Variants in BRWD1 observed in about 807,000 individuals in gnomAD.
BRWD1 encodes bromodomain and WD repeat domain containing 1.
A neutral mutation model predicts 251.2 loss-of-function variants in BRWD1; 82 were observed. The ratio of observed to expected loss-of-function variants is 0.33; its 90% CI spans 0.27 to 0.39. The LOEUF (loss-of-function observed/expected upper bound fraction) is 0.39, where lower values mean the gene tolerates loss of function less well. Among genes scored for constraint, BRWD1 ranks in the 10% least tolerant of loss-of-function variants. BRWD1 has a pLI of 1.00. For missense variants in BRWD1, 2,233 were observed against 2,711.6 expected (o/e 0.82, Z 3.92); for synonymous variants, 918 against 902.8 (o/e 1.02, Z -0.30).
chr21:39,285,531 T>C (rs772154193), intron 8 of BRWD1, among the ~76,000 whole-genome samples: 3 of 152,198 alleles, frequency 2.0e-5, no homozygotes, highest in Non-Finnish European at 4.4e-5. Flanking sequence ...ATAATTACCC[T>C]CATTTGATCC....
chr21:39,279,399 G>A lies in BRWD1; in HGVS notation c.933-586C>T, dbSNP rs573158514. ...CACGCCTGTGATCCCAGTACTTTGG[G>A]AGGCCAAGGCGGGTGGATCACCTGA... On this transcript the variant is annotated intron_variant, in intron 9 of 40. Transcript: ENST00000342449. 4.6e-5 allele frequency among the ~76,000 whole-genome samples: 7 copies of A among 152,180 alleles called. No homozygotes were observed. The East Asian group carries it at 7.7e-4, about 17-fold the overall frequency.
chr21:39,194,277 C>T lies in BRWD1; in HGVS notation c.*1982G>A. ...ATTTATTTATGGATTTTTTTGGTAC[C>T]TTTTTGCAAATGATGGTAAACATGG... On this transcript the variant is annotated 3_prime_UTR_variant, in exon 41 of 41. Coordinates refer to ENST00000342449, the MANE Select transcript of BRWD1 (RefSeq NM_033656.4). 1.0e-6 allele frequency: 1 copy of T among 989,084 alleles called. No homozygotes were observed. The highest frequency in any genetic ancestry group is 4.6e-5 in the South Asian group (1 of 21,828). 61.3% of individuals were successfully genotyped at this position (989,084 alleles called of 1,614,324 possible). A position where few individuals can be genotyped will look rare whatever the true frequency, so the allele number is the denominator to read the frequency against.
intron 21 of BRWD1, among the ~76,000 whole-genome samples, chr21:39,240,597 A>G (rs2033954289): frequency 6.6e-6 from 1 of 152,250 alleles, no homozygotes; most frequent in South Asian, 2.1e-4. Context: ...TTTATAATGT[A>G]AACATTGGAA....
At chr21:39,274,602 C>A in intron 12 of BRWD1, 130 bp from the exon 13 acceptor site, 1 of 755,166 alleles carries the variant, frequency 1.3e-6, no homozygotes, top group Admixed American at 2.5e-5. Flanking sequence ...GGTGTTAATT[C>A]AAAAGACAAG....
Position 39,276,181 on chromosome 21 carries a change from A to C in BRWD1, c.1137T>G (p.Asn379Lys). Residue 379 changes from asparagine (N) to lysine (K), a missense_variant, in exon 12 of 41, where the codon AAT becomes AAG. Around this residue, in one of 12 missense-constraint regions of BRWD1, gnomAD observed 315 missense variants for 421.8 expected, o/e 0.75. Transcript: ENST00000342449. Reference protein sequence around the residue: ...DKVDSIQFCNNGDRFLSGSRD... With the variant: ...DKVDSIQFCNKGDRFLSGSRD... Reference sequence around the variant, plus strand: ...ACAAAACACACACTTACCGATCACCATTGTTACAAAATTGGATACTATCTA... The same window carrying C: ...ACAAAACACACACTTACCGATCACCCTTGTTACAAAATTGGATACTATCTA... 2 of 1,607,946 alleles carry C rather than the reference A, an allele frequency of 1.2e-6. No individual in the cohort carries two copies. The highest frequency in any genetic ancestry group is 1.7e-6 in the Non-Finnish European group (2 of 1,176,368).
At position 39,189,740 on chromosome 21, in the gene BRWD1, A is replaced by G. The variant is rs568665879; in HGVS notation, c.*6519T>C. The G allele has an allele frequency of 1.9e-4, 188 of 981,354 alleles. 1 individual carries two copies. The African/African-American group carries it at 3.1e-3, about 16-fold the overall frequency. 60.8% of individuals were successfully genotyped at this position (981,354 alleles called of 1,614,324 possible). A position where few individuals can be genotyped will look rare whatever the true frequency, so the allele number is the denominator to read the frequency against. ...TATTACTGAAAACTGAGTAAATTAT[A>G]AAGTGCTTTTTCTCAAGAAAACTAC... On this transcript the variant is annotated 3_prime_UTR_variant, in exon 41 of 41. Transcript: ENST00000342449.
At chr21:39,287,259 C>T (rs1366935385) in intron 8 of BRWD1, among the ~76,000 whole-genome samples, 2 of 152,188 alleles carry the variant, frequency 1.3e-5, no homozygotes, top group South Asian at 2.1e-4. Context: ...ATTACACTAA[C>T]GTTTGTCCCT....
At chr21:39,313,817 C>A, upstream of BRWD1, 1 of 358,152 alleles carries the variant, frequency 2.8e-6, no homozygotes, top group South Asian at 2.7e-5. Context: ...GAGGCAAAGA[C>A]CTGGGCGCCG....
chr21:39,268,918 G>A (rs1260838169), intron 15 of BRWD1, among the ~76,000 whole-genome samples: 2 of 152,126 alleles, frequency 1.3e-5, no homozygotes. Context: ...AACCCGGGAG[G>A]CGGAGCTTGC....
In BRWD1 at chr21:39,209,909, A is replaced by G. The variant is rs1412538586; in HGVS notation, c.4197+86T>C. Reference sequence around the variant, plus strand: ...TCTAACCTCTATTACACAGTGGAAAATTACACTGGAAAAAATTACTATTAC... The same window carrying G: ...TCTAACCTCTATTACACAGTGGAAAGTTACACTGGAAAAAATTACTATTAC... On this transcript the variant is annotated intron_variant, in intron 36 of 40. Coordinates refer to ENST00000342449, the MANE Select transcript of BRWD1 (RefSeq NM_033656.4). 2.2e-6 allele frequency: 3 copies of G among 1,362,648 alleles called. No homozygotes were observed. In the East Asian group the frequency reaches 7.0e-5, roughly 32 times the overall value. 84.4% of individuals were successfully genotyped at this position (1,362,648 alleles called of 1,614,324 possible).
chr21:39,229,256 T>A, intron 26 of BRWD1, 56 bp downstream of exon 26: 1 of 1,450,944 alleles, frequency 6.9e-7, no homozygotes, highest in Non-Finnish European at 9.5e-7. Flanking sequence ...AATCATTCAA[T>A]CAGCAAAATG....
Position 39,193,668 on chromosome 21 carries a change from A to G in BRWD1, c.*2591T>C. ...AGTGCAGTGGAAAGGTACAGCACTT[A>G]TTTCTGGATCAGTTCACATTCAAAT... On this transcript the variant is annotated 3_prime_UTR_variant, in exon 41 of 41. Coordinates refer to ENST00000342449, the MANE Select transcript of BRWD1 (RefSeq NM_033656.4). The G allele has an allele frequency of 1.0e-6, 1 of 985,528 alleles. No homozygotes were observed. The highest frequency in any genetic ancestry group is 1.2e-6 in the Non-Finnish European group (1 of 829,682). The allele number at this position is 985,528 out of a possible 1,614,324, so 61.0% of individuals were successfully genotyped here. A position where few individuals can be genotyped will look rare whatever the true frequency, so the allele number is the denominator to read the frequency against.
chr21:39,222,048 AAAAAC>A (rs1342478453), intron 29 of BRWD1, among the ~76,000 whole-genome samples: 1 of 152,206 alleles, frequency 6.6e-6, no homozygotes, highest in Non-Finnish European at 1.5e-5. Context: ...ATAAGTTAAA[AAAAAC>A]AAAAGTATCC....
intron 9 of BRWD1, among the ~76,000 whole-genome samples, chr21:39,279,687 A>G (rs1015937501): frequency 1.3e-5 from 2 of 151,432 alleles, no homozygotes; most frequent in African/African-American, 4.8e-5. Flanking sequence ...AAACAAAAGG[A>G]AAAAAAATGT....
rs1385815431 is a variant in BRWD1, at chr21:39,188,723, A to G, written c.*7536T>C. 1.0e-6 allele frequency: 1 copy of G among 985,304 alleles called. No homozygotes were observed. Among genetic ancestry groups the G allele is most frequent in the East Asian group, 1.1e-4 (1 of 8,820 alleles). 61.0% of individuals were successfully genotyped at this position (985,304 alleles called of 1,614,324 possible). ...GAAACTGATTTCACACTTCTCTAAG[A>G]TCAGTTGAGCGTTCTCCCCAGAATA... is the stretch of plus-strand genomic sequence containing the variant. On this transcript the variant is annotated 3_prime_UTR_variant, in exon 41 of 41. Transcript: ENST00000342449.
intron 17 of BRWD1, 116 bp downstream of exon 17, chr21:39,264,340 AAAAC>A (rs1202391909): frequency 2.9e-6 from 2 of 688,102 alleles, no homozygotes; most frequent in East Asian, 6.6e-5. Flanking sequence ...AAAAAATAAT[AAAAC>A]AAATATTGCA....
rs775562480 is a variant in BRWD1, at chr21:39,232,198, T to C, written c.2979A>G (p.Pro993=). 2 of 1,612,020 alleles carry C rather than the reference T, an allele frequency of 1.2e-6. No homozygotes were observed. The highest frequency in any genetic ancestry group is 1.7e-6 in the Non-Finnish European group (2 of 1,178,604). The change falls in exon 25 of 41, where the codon CCA becomes CCG. Residue 993 remains proline, a synonymous_variant. Transcript: ENST00000342449. ...CTACCCTAAGATCCATTTTTCTCCA[T>C]GGCTCCTTATTAGGGTTCAGTTCAT... ...NIYELNPNKE[P]WRKMDLRDQE... is the part of the protein sequence containing the mutation.
At chr21:39,268,441 C>T (rs1011356976) in intron 15 of BRWD1, among the ~76,000 whole-genome samples, 3 of 101,730 alleles carry the variant, frequency 2.9e-5, no homozygotes, top group Non-Finnish European at 6.7e-5. Context: ...AACTCCATCT[C>T]CAAAAAAAAA....
At chr21:39,237,912 G>A (rs1038130167) in intron 22 of BRWD1, among the ~76,000 whole-genome samples, 1 of 151,932 alleles carries the variant, frequency 6.6e-6, no homozygotes, top group Non-Finnish European at 1.5e-5. Context: ...GACAAGAAAG[G>A]AAGCAGAGAG....
Sources: allele counts gnomAD v4.1 joint callset (sites outside exome capture counted in the v4.1 genomes callset), GRCh38; gene constraint gnomAD v4.1.1; regional missense constraint gnomAD v4.1.1; transcripts MANE v1.5; gene names NCBI Gene and HGNC (gene_info 2026-07-23, HGNC 2026-07-21).